CENPV: variants seen among roughly 807,000 people sequenced by gnomAD.
The protein encoded by CENPV is centromere protein V.
A neutral mutation model predicts 26.4 loss-of-function variants in CENPV; 15 were observed. The ratio of observed to expected loss-of-function variants is 0.57; its 90% CI spans 0.38 to 0.88. The LOEUF is 0.88. Among genes scored for constraint, CENPV ranks in the 40% least tolerant of loss-of-function variants. The pLI, the probability that CENPV is intolerant of heterozygous loss-of-function variation, is 0.00. For synonymous variants in CENPV, 172 were observed against 165.5 expected, an observed-to-expected ratio of 1.04 and a Z score of -0.30; for missense variants, 336 against 376.5, an observed-to-expected ratio of 0.89 and a Z score of 0.89.
chr17:16,352,559 GCTTC>G (rs1398719275), intron 1 of CENPV, among the ~76,000 whole-genome samples: 2 of 152,158 alleles, frequency 1.3e-5, no homozygotes, highest in Admixed American at 1.3e-4. Flanking sequence ...AACTATTCAT[GCTTC>G]CTTCAACGCT....
At position 16,353,382 on chromosome 17, in the gene CENPV, C is replaced by CGG; in HGVS notation, c.53_54dup (p.Gly19ProfsTer46). ...GAGGCCGCGGGGGCCGCGGAGGCCC[C>CGG]GGACCGCTTCTGCCCGCGCAGCTTG... is the stretch of plus-strand genomic sequence containing the variant. On this transcript the variant is annotated frameshift_variant, in exon 1 of 5. Transcript: ENST00000299736. LOFTEE classifies it high-confidence loss of function. 2.4e-6 allele frequency: 3 copies of CGG among 1,224,834 alleles called. No homozygotes were observed. In the East Asian group the frequency reaches 1.1e-4, roughly 44 times the overall value. 75.9% of individuals were successfully genotyped at this position (1,224,834 alleles called of 1,614,324 possible). A position where few individuals can be genotyped will look rare whatever the true frequency, so the allele number is the denominator to read the frequency against.
At chr17:16,345,396 C>G (rs1000341057) in intron 3 of CENPV, among the ~76,000 whole-genome samples, 1 of 145,848 alleles carries the variant, frequency 6.9e-6, no homozygotes, top group Non-Finnish European at 1.5e-5. Flanking sequence ...TGGCAAAACC[C>G]TGTTTCTACA....
chr17:16,349,788 T>C, intron 2 of CENPV, 143 bp downstream of exon 2: 1 of 1,456,360 alleles, frequency 6.9e-7, no homozygotes, highest in Non-Finnish European at 9.0e-7. Flanking sequence ...CAATGAACCT[T>C]TCTGTCCCCA....
intron 3 of CENPV, among the ~76,000 whole-genome samples, chr17:16,346,318 G>A (rs1259727875): frequency 6.6e-6 from 1 of 152,160 alleles, no homozygotes; most frequent in Non-Finnish European, 1.5e-5. Flanking sequence ...GCTAAAGATT[G>A]GAAAAATTGA....
chr17:16,350,040 C>CA lies in CENPV; in HGVS notation c.411-12dup. On this transcript the variant is annotated splice_polypyrimidine_tract_variant and intron_variant, in intron 1 of 4. Coordinates refer to ENST00000299736, the MANE Select transcript of CENPV (RefSeq NM_181716.3). ...AGGCCCTGGTATTCACTAAATGAAA[C>CA]AAAAATCAGAAAGATAATAATTTCT... 6.2e-7 allele frequency: 1 copy of CA among 1,607,036 alleles called. No individual in the cohort carries two copies. Among genetic ancestry groups the CA allele is most frequent in the Non-Finnish European group, 8.5e-7 (1 of 1,178,256 alleles).
Position 16,344,581 on chromosome 17 carries a change from C to A in CENPV, c.694+16G>T. On this transcript the variant is annotated intron_variant, in intron 4 of 4. Transcript: ENST00000299736. ...TCTGTGTCCCCCTGAGCTTGCAGTCCATCCCCTTTACTCACCGAAGCCTCC... is the reference window on the plus strand; with the variant it reads ...TCTGTGTCCCCCTGAGCTTGCAGTCAATCCCCTTTACTCACCGAAGCCTCC... The A allele has an allele frequency of 6.7e-7, 1 of 1,485,352 alleles. No homozygotes were observed. The highest frequency in any genetic ancestry group is 2.4e-5 in the East Asian group (1 of 41,384). 92.0% of individuals were successfully genotyped at this position (1,485,352 alleles called of 1,614,324 possible).
chr17:16,349,438 G>C (rs553724619), intron 2 of CENPV: 6 of 986,150 alleles, frequency 6.1e-6, no homozygotes, highest in Non-Finnish European at 7.2e-6. Flanking sequence ...CGCCGGGGAA[G>C]GTGGTACAAA....
chr17:16,347,856 T>C (rs773312274), intron 3 of CENPV, among the ~76,000 whole-genome samples: 6 of 152,166 alleles, frequency 3.9e-5, no homozygotes, highest in Admixed American at 6.6e-5. Flanking sequence ...TTCCCCAAAA[T>C]AATAAAATTA....
Position 16,353,360 on chromosome 17 carries a change from G to T in CENPV, c.77C>A (p.Ala26Asp). 8.1e-7 allele frequency: 1 copy of T among 1,241,748 alleles called. No homozygotes were observed. Among genetic ancestry groups the T allele is most frequent in the Non-Finnish European group, 1.0e-6 (1 of 997,968 alleles). The allele number at this position is 1,241,748 out of a possible 1,614,324, so 76.9% of individuals were successfully genotyped here. ...GGGTGCCAAGGCAGCGGCCGCGGAGGCCGCGGGGGCCGCGGAGGCCCCGGA... is the reference window on the plus strand; with the variant it reads ...GGGTGCCAAGGCAGCGGCCGCGGAGTCCGCGGGGGCCGCGGAGGCCCCGGA... ...KRSGASAAPAASAAAALAPSA... is the reference protein window; with the variant it reads ...KRSGASAAPADSAAAALAPSA... The change falls in exon 1 of 5, where the codon GCC (alanine) becomes GAC (aspartate). Residue 26 changes from alanine to aspartate, a missense_variant. Ala to Asp is a moderately radical substitution (Grantham distance 126). Coordinates refer to ENST00000299736, the MANE Select transcript of CENPV (RefSeq NM_181716.3).
At chr17:16,348,192 C>CTG (rs10637279) in intron 3 of CENPV, 3,735 of 152,716 alleles carry the variant, frequency 0.024, 157 homozygotes, top group African/African-American at 0.086. Flanking sequence ...GAGTTTCACT[C>CTG]GTCACCCAGG....
intron 3 of CENPV, chr17:16,347,599 T>C (rs2093212567): frequency 1.3e-5 from 2 of 152,122 alleles, no homozygotes; most frequent in African/African-American, 4.8e-5. Context: ...TCTAAGAGAA[T>C]TGATCCTAAA....
In CENPV at chr17:16,342,701, C is replaced by T; in HGVS notation, c.*116G>A. On this transcript the variant is annotated 3_prime_UTR_variant, in exon 5 of 5. Coordinates refer to ENST00000299736, the MANE Select transcript of CENPV (RefSeq NM_181716.3). ...CTGCAGAGATCAAGATGACCCTAGT[C>T]AACGGAACCAGCAGCCCAGGTCAGC... 1 of 1,239,586 alleles carries T rather than the reference C, an allele frequency of 8.1e-7. No individual in the cohort carries two copies. Among genetic ancestry groups the T allele is most frequent in the Non-Finnish European group, 1.2e-6 (1 of 864,096 alleles). The allele number at this position is 1,239,586 out of a possible 1,614,324, so 76.8% of individuals were successfully genotyped here.
In CENPV at chr17:16,348,601, C is replaced by A. The variant is rs527525714; in HGVS notation, c.579+15G>T. On this transcript the variant is annotated intron_variant, in intron 3 of 4. Coordinates refer to ENST00000299736, the MANE Select transcript of CENPV (RefSeq NM_181716.3). ...ATGGGTTCTGCACTCCTTGACCCTG[C>A]TCTTAAGCACTGACCTTCAGGAGCT... The A allele has an allele frequency of 8.1e-6, 13 of 1,613,844 alleles. No individual in the cohort carries two copies. Among genetic ancestry groups the A allele is most frequent in the Non-Finnish European group, 1.1e-5 (13 of 1,179,876 alleles).
intron 3 of CENPV, among the ~76,000 whole-genome samples, chr17:16,346,834 TGTG>T (rs1315745251): frequency 6.6e-6 from 1 of 151,018 alleles, no homozygotes; most frequent in Non-Finnish European, 1.5e-5. Context: ...TACTGGTATG[TGTG>T]GTGTTTTTGT....
rs2093187795 is a variant in CENPV, at chr17:16,342,783, C to T, written c.*34G>A. 1 of 1,613,582 alleles carries T rather than the reference C, an allele frequency of 6.2e-7. No homozygotes were observed. Among genetic ancestry groups the T allele is most frequent in the Non-Finnish European group, 8.5e-7 (1 of 1,179,700 alleles). ...GGAGAGCAAAGTTGCTGGCCCCAATCATTCCTCCTTTTCAGGGCAGGAGAG... is the reference window on the plus strand; with the variant it reads ...GGAGAGCAAAGTTGCTGGCCCCAATTATTCCTCCTTTTCAGGGCAGGAGAG... On this transcript the variant is annotated 3_prime_UTR_variant, in exon 5 of 5. Coordinates refer to ENST00000299736, the MANE Select transcript of CENPV (RefSeq NM_181716.3).
At chr17:16,350,551 C>G (rs1165853268) in intron 1 of CENPV, 1 of 152,756 alleles carries the variant, frequency 6.5e-6, no homozygotes, top group East Asian at 1.9e-4. Context: ...CCATCTTGGC[C>G]AAGCTGGTCT....
chr17:16,352,958 C>A, intron 1 of CENPV, 69 bp downstream of exon 1: 1 of 1,445,584 alleles, frequency 6.9e-7, no homozygotes, highest in Admixed American at 2.7e-5. Flanking sequence ...ACGCGGGCTG[C>A]GAGCCCGACT....
intron 3 of CENPV, among the ~76,000 whole-genome samples, chr17:16,347,298 C>T (rs993765062): frequency 7.2e-5 from 11 of 152,098 alleles, no homozygotes; most frequent in African/African-American, 1.9e-4. Context: ...CCAGCCATAC[C>T]GTCCAGAATT....
At chr17:16,345,785 G>T (rs2093204122) in intron 3 of CENPV, among the ~76,000 whole-genome samples, 1 of 152,114 alleles carries the variant, frequency 6.6e-6, no homozygotes, top group Non-Finnish European at 1.5e-5. Context: ...GCTTCCCAGG[G>T]CCTATGTGGA....
Sources: allele counts gnomAD v4.1 joint callset (sites outside exome capture counted in the v4.1 genomes callset), GRCh38; gene constraint gnomAD v4.1.1; transcripts MANE v1.5; gene names NCBI Gene and HGNC (gene_info 2026-07-23, HGNC 2026-07-21).